PCLO: variants seen among roughly 807,000 people sequenced by gnomAD.
PCLO encodes the protein protein piccolo.
In PCLO, 82 loss-of-function variants were observed where a neutral mutation model predicts 427.5. The observed-to-expected ratio is 0.19, with a 90% confidence interval of 0.16 to 0.23. The LOEUF is 0.23. Among genes scored for constraint, PCLO ranks in the 10% least tolerant of loss-of-function variants. PCLO has a pLI of 1.00. For missense variants in PCLO, 6,239 were observed against 6,115.9 expected (o/e 1.02, Z -0.67); for synonymous variants, 2,357 against 2,155.4 (o/e 1.09, Z -2.59).
At chr7:83,038,236 A>G (rs560665763) in intron 3 of PCLO, among the ~76,000 whole-genome samples, 30 of 148,974 alleles carry the variant, frequency 2.0e-4, no homozygotes, top group African/African-American at 7.4e-4. Flanking sequence ...CATACCATAA[A>G]TTCACACATT....
intron 3 of PCLO, among the ~76,000 whole-genome samples, chr7:83,003,727 C>T (rs1028625618): frequency 1.3e-5 from 2 of 151,698 alleles, no homozygotes; most frequent in Admixed American, 1.3e-4. Context: ...TTTTAATATG[C>T]TGTTGAATTT....
chr7:82,875,910 C>T (rs540766783), intron 10 of PCLO, among the ~76,000 whole-genome samples: 1 of 152,152 alleles, frequency 6.6e-6, no homozygotes, highest in South Asian at 2.1e-4. Flanking sequence ...CTTTTCCAAA[C>T]AACAGCTTTG....
chr7:82,811,821 T>C (rs1334819051), intron 20 of PCLO, among the ~76,000 whole-genome samples: 6 of 151,500 alleles, frequency 4.0e-5, no homozygotes, highest in Admixed American at 3.3e-4. Flanking sequence ...GATATCTCTA[T>C]CAGTCATTTG....
chr7:83,109,159 A>G (rs1790939960), intron 3 of PCLO, among the ~76,000 whole-genome samples: 1 of 152,158 alleles, frequency 6.6e-6, no homozygotes, highest in South Asian at 2.1e-4. Flanking sequence ...GCCCACATCT[A>G]TATCCAAACC....
At chr7:82,801,209 T>TTTTTTTTTTTTTTTTTTTTTTTTGAG (rs1265299292) in intron 22 of PCLO, among the ~76,000 whole-genome samples, 1 of 147,282 alleles carries the variant, frequency 6.8e-6, no homozygotes, top group Non-Finnish European at 1.5e-5. Flanking sequence ...GTTATATTTT[T>TTTTTTTTTTTTTTTTTTTTTTTTGAG]AAGTTCAAGA....
chr7:83,090,293 G>A (rs1279692410), intron 3 of PCLO, among the ~76,000 whole-genome samples: 1 of 152,130 alleles, frequency 6.6e-6, no homozygotes, highest in Non-Finnish European at 1.5e-5. Flanking sequence ...GACGTGTGCT[G>A]AAGACATAAA....
intron 9 of PCLO, among the ~76,000 whole-genome samples, chr7:82,888,083 AAAG>A (rs527961778): frequency 0.021 from 3,065 of 148,522 alleles, 105 homozygotes; most frequent in African/African-American, 0.076. Flanking sequence ...ACAAAAAAAA[AAAG>A]AAAGAAAGAA....
At chr7:82,994,510 T>C (rs1796449312) in intron 3 of PCLO, among the ~76,000 whole-genome samples, 1 of 151,942 alleles carries the variant, frequency 6.6e-6, no homozygotes, top group Admixed American at 6.6e-5. Context: ...TTAAACATAC[T>C]ACTAAAGCAG....
At chr7:82,791,622 T>G (rs528911399) in intron 22 of PCLO, among the ~76,000 whole-genome samples, 2 of 152,320 alleles carry the variant, frequency 1.3e-5, no homozygotes, top group Admixed American at 6.5e-5. Flanking sequence ...AAACAAGCTG[T>G]GTTGTGCTTT....
chr7:82,916,518 T>C lies in PCLO; in HGVS notation c.11468A>G (p.Tyr3823Cys). The change falls in exon 7 of 25, where the codon TAC becomes TGC. Residue 3823 changes from tyrosine to cysteine, a missense_variant. Physicochemically the swap from Tyr to Cys is radical, Grantham distance 194 (BLOSUM62 -2). Coordinates refer to ENST00000333891, the MANE Select transcript of PCLO (RefSeq NM_033026.6). Reference protein sequence around the residue: ...LKEREKRERAYLQGVAEDRDY... With the variant: ...LKEREKRERACLQGVAEDRDY... ...ACGATCCTCAGCTACTCCCTGGAGG[T>C]AGGCTCGTTCTCTCTTTTCTCTCTC... 1.9e-6 allele frequency: 3 copies of C among 1,613,686 alleles called. No individual in the cohort carries two copies. The highest frequency in any genetic ancestry group is 2.5e-6 in the Non-Finnish European group (3 of 1,179,730).
At chr7:82,917,569 C>T (rs1337566445) in intron 6 of PCLO, among the ~76,000 whole-genome samples, 1 of 152,002 alleles carries the variant, frequency 6.6e-6, no homozygotes, top group East Asian at 1.9e-4. Flanking sequence ...CATAAACTTG[C>T]TTTCTAAGAA....
chr7:83,052,424 T>C (rs1789278114), intron 3 of PCLO, among the ~76,000 whole-genome samples: 1 of 152,062 alleles, frequency 6.6e-6, no homozygotes, highest in Non-Finnish European at 1.5e-5. Flanking sequence ...ACTTCCAAGC[T>C]GTTTGAGCTC....
At chr7:83,029,151 T>C (rs1788589144) in intron 3 of PCLO, among the ~76,000 whole-genome samples, 3 of 149,136 alleles carry the variant, frequency 2.0e-5, no homozygotes, top group Admixed American at 6.7e-5. Context: ...CAAAAGAAAC[T>C]ACCATCAGAG....
At chr7:83,003,866 T>C (rs1208657175) in intron 3 of PCLO, among the ~76,000 whole-genome samples, 2 of 151,760 alleles carry the variant, frequency 1.3e-5, no homozygotes, top group African/African-American at 4.8e-5. Flanking sequence ...CAAAATGAGT[T>C]TGGAAGTGTT....
In PCLO at chr7:82,877,008, C is replaced by T. The variant is rs146355080; in HGVS notation, c.13654+2329G>A. Among the ~76,000 whole-genome samples, 1,248 of 152,084 alleles carry T rather than the reference C, an allele frequency of 8.2e-3. 22 individuals are homozygous for T. The highest frequency in any genetic ancestry group is 0.027 in the African/African-American group (1,131 of 41,508). ...AGTTTTTAATGATTTCTCACTTAAACCAATTAAATTGCAAAAATATTAGTT... is the reference window on the plus strand; with the variant it reads ...AGTTTTTAATGATTTCTCACTTAAATCAATTAAATTGCAAAAATATTAGTT... On this transcript the variant is annotated intron_variant, in intron 10 of 24. Coordinates refer to ENST00000333891, the MANE Select transcript of PCLO (RefSeq NM_033026.6).
intron 6 of PCLO, among the ~76,000 whole-genome samples, chr7:82,940,671 A>C (rs576067246): frequency 7.3e-6 from 1 of 137,586 alleles, no homozygotes; most frequent in African/African-American, 2.7e-5. Context: ...GCCATTTTAT[A>C]AAATTAGAAG....
Position 82,952,446 on chromosome 7 carries a change from T to C in PCLO, c.8507A>G (p.Tyr2836Cys), listed in dbSNP as rs368802582. ...LTTSKHAEPP[Y>C]RIPSDQVFPI... ...AAAGACCTGGTCACTTGGTATCCTG[T>C]ATGGGGGCTCAGCATGCTTTGATGT... Residue 2836 changes from tyrosine (Y) to cysteine (C), a missense_variant, in exon 5 of 25, where the codon TAC (tyrosine) becomes TGC (cysteine). Tyr to Cys is a radical substitution (Grantham distance 194). This residue lies in a region of PCLO where 4,677 missense variants were observed against 4,468.4 expected (regional missense o/e 1.05). Coordinates refer to ENST00000333891, the MANE Select transcript of PCLO (RefSeq NM_033026.6). 4 of 1,613,772 alleles carry C rather than the reference T, an allele frequency of 2.5e-6. No individual in the cohort carries two copies. In the African/African-American group the frequency reaches 4.0e-5, roughly 16 times the overall value.
intron 6 of PCLO, among the ~76,000 whole-genome samples, chr7:82,946,885 T>G (rs138831019): frequency 1.3e-5 from 2 of 152,140 alleles, no homozygotes; most frequent in Admixed American, 6.5e-5. Flanking sequence ...AGGGCAAGTG[T>G]AGAAGGAGCC....
chr7:83,109,497 C>T (rs1790948574), intron 3 of PCLO, among the ~76,000 whole-genome samples: 2 of 152,230 alleles, frequency 1.3e-5, no homozygotes, highest in South Asian at 2.1e-4. Flanking sequence ...TTGATATTAA[C>T]GTAGTTGATC....
Sources: gnomAD v4.1 joint callset for allele counts (sites outside exome capture counted in the v4.1 genomes callset) on GRCh38, gnomAD v4.1.1 for gene constraint, gnomAD v4.1.1 regional missense constraint, MANE v1.5 for transcripts, NCBI Gene and HGNC (gene_info 2026-07-23, HGNC 2026-07-21) for gene names.